The following ZNF462 variants were observed in gnomAD, a reference collection of about 807,000 sequenced individuals.
ZNF462 encodes zinc finger PBX1-interacting protein.
A neutral mutation model predicts 201.9 loss-of-function variants in ZNF462; 10 were observed. The ratio of observed to expected loss-of-function variants is 0.05; its 90% CI spans 0.03 to 0.08. The LOEUF (loss-of-function observed/expected upper bound fraction) is 0.08, where lower values mean the gene tolerates loss of function less well. Ranked by LOEUF, ZNF462 falls within the 10% of genes least tolerant of loss-of-function variation. The pLI, the probability that ZNF462 is intolerant of heterozygous loss-of-function variation, is 1.00. For synonymous variants in ZNF462, 1,227 were observed against 1,193.3 expected (o/e 1.03, Z -0.58); for missense variants, 2,523 against 3,168.3 (o/e 0.80, Z 4.89).
chr9:106,897,248 A>G (rs769503043), intron 1 of ZNF462, among the ~76,000 whole-genome samples: 11 of 152,170 alleles, frequency 7.2e-5, no homozygotes, highest in Non-Finnish European at 1.6e-4. Flanking sequence ...TATTATCAGT[A>G]TTTGAGTAGA....
chr9:106,901,078 A>T (rs1375848999), intron 1 of ZNF462, among the ~76,000 whole-genome samples: 1 of 152,196 alleles, frequency 6.6e-6, no homozygotes, highest in Non-Finnish European at 1.5e-5. Context: ...GTAAGAGATG[A>T]TCCAGTTTCA....
rs771159850 is a variant in ZNF462, at chr9:106,925,919, C to A, written c.2007C>A (p.Asn669Lys). ...CAATTCTTGGGTTGTCCTCCAAGAACAATTTTGTAGCTAAAGCCTCTAGGA... is the reference window on the plus strand; with the variant it reads ...CAATTCTTGGGTTGTCCTCCAAGAAAAATTTTGTAGCTAAAGCCTCTAGGA... ...QTSILGLSSKNNFVAKASRKL... is the reference protein window; with the variant it reads ...QTSILGLSSKKNFVAKASRKL... The change falls in exon 3 of 13, where the codon AAC (asparagine) becomes AAA (lysine). Residue 669 changes from asparagine (N) to lysine (K), a missense_variant. Physicochemically the swap from Asn to Lys is moderately conservative, Grantham distance 94. Coordinates refer to ENST00000277225, the MANE Select transcript of ZNF462 (RefSeq NM_021224.6). The surrounding 1 kb of genome is among the most constrained non-coding windows in gnomAD (Gnocchi z 7.9). 1.5e-5 allele frequency: 24 copies of A among 1,614,050 alleles called. No homozygotes were observed. Among genetic ancestry groups the A allele is most frequent in the South Asian group, 2.2e-5 (2 of 91,084 alleles).
At chr9:106,967,935 AT>A (rs1832155644) in intron 7 of ZNF462, among the ~76,000 whole-genome samples, 1 of 150,912 alleles carries the variant, frequency 6.6e-6, no homozygotes, top group South Asian at 2.1e-4. Flanking sequence ...TTCCCTATTC[AT>A]TTTAGTGTTA....
At chr9:106,988,221 G>C (rs879263865) in intron 10 of ZNF462, among the ~76,000 whole-genome samples, 2 of 152,234 alleles carry the variant, frequency 1.3e-5, no homozygotes, top group African/African-American at 2.4e-5. Context: ...CATGGCAGAA[G>C]GCAAGGAGGA....
chr9:106,880,628 G>A lies in ZNF462; in HGVS notation c.-31+17273G>A, dbSNP rs1337496987. ...TGGAGCTGCTAGAATAGAAAGAGTG[G>A]TTGTTGGGATATATTTTTATTAATG... is the stretch of plus-strand genomic sequence containing the variant. On this transcript the variant is annotated intron_variant, in intron 1 of 12. Transcript: ENST00000277225. This position sits in a 1 kb window ranked among gnomAD's most constrained non-coding sequence, Gnocchi z 4.1. Among the ~76,000 whole-genome samples the A allele has an allele frequency of 6.6e-6, 1 of 152,172 alleles. No individual in the cohort carries two copies. Among genetic ancestry groups the A allele is most frequent in the Admixed American group, 6.5e-5 (1 of 15,278 alleles).
At chr9:107,001,672 T>G (rs561634764) in intron 10 of ZNF462, among the ~76,000 whole-genome samples, 1 of 152,280 alleles carries the variant, frequency 6.6e-6, no homozygotes, top group South Asian at 2.1e-4. Flanking sequence ...ACTGTGGACT[T>G]AGAGGGGAAG....
intron 9 of ZNF462, among the ~76,000 whole-genome samples, chr9:106,982,639 G>A (rs1385861333): frequency 6.6e-6 from 1 of 152,108 alleles, no homozygotes; most frequent in East Asian, 1.9e-4. Flanking sequence ...TTCTAAATAA[G>A]CAACTGATTC....
chr9:106,965,232 C>A (rs547816619), intron 7 of ZNF462, among the ~76,000 whole-genome samples: 1 of 151,946 alleles, frequency 6.6e-6, no homozygotes, highest in Non-Finnish European at 1.5e-5. Flanking sequence ...CCCAAGGATG[C>A]AATACGTAGA....
chr9:106,992,133 C>T (rs542369873), intron 10 of ZNF462, among the ~76,000 whole-genome samples: 1 of 151,996 alleles, frequency 6.6e-6, no homozygotes, highest in South Asian at 2.1e-4. Flanking sequence ...AGAAATCTTA[C>T]AACTCAACAA....
At position 106,905,630 on chromosome 9, in the gene ZNF462, G is replaced by A. The variant is rs1250874184; in HGVS notation, c.-30-17724G>A. On this transcript the variant is annotated intron_variant, in intron 1 of 12. Transcript: ENST00000277225. The surrounding 1 kb of genome is among the most constrained non-coding windows in gnomAD (Gnocchi z 5.9). ...TGGGAGATGAGGGTGAGATTCCCAG[G>A]TCACTGGAGTTGTGTACCTAGGAGG... Among the ~76,000 whole-genome samples the A allele has an allele frequency of 6.6e-6, 1 of 152,092 alleles. No homozygotes were observed. The highest frequency in any genetic ancestry group is 1.5e-5 in the Non-Finnish European group (1 of 68,010).
intron 1 of ZNF462, among the ~76,000 whole-genome samples, chr9:106,897,243 T>C (rs958639834): frequency 1.1e-4 from 17 of 152,226 alleles, no homozygotes; most frequent in Admixed American, 1.1e-3. Flanking sequence ...ATTATTATTA[T>C]CAGTATTTGA....
At chr9:106,882,495 C>G (rs1207589672) in intron 1 of ZNF462, among the ~76,000 whole-genome samples, 2 of 152,192 alleles carry the variant, frequency 1.3e-5, no homozygotes, top group East Asian at 3.8e-4. Flanking sequence ...TCAAAGAAAA[C>G]TACCCATCTC....
At position 106,870,851 on chromosome 9, in the gene ZNF462, C is replaced by G. The variant is rs1408942751; in HGVS notation, c.-31+7496C>G. 3.9e-5 allele frequency among the ~76,000 whole-genome samples: 6 copies of G among 152,252 alleles called. No homozygotes were observed. In the East Asian group the frequency reaches 9.7e-4, roughly 25 times the overall value. ...GGAAGGCCAAACTCACTCTTAAGTTCTCGTCTGAGCAGTTGAACCAGAACA... is the reference window on the plus strand; with the variant it reads ...GGAAGGCCAAACTCACTCTTAAGTTGTCGTCTGAGCAGTTGAACCAGAACA... On this transcript the variant is annotated intron_variant, in intron 1 of 12. Coordinates refer to ENST00000277225, the MANE Select transcript of ZNF462 (RefSeq NM_021224.6). The surrounding 1 kb of genome is among the most constrained non-coding windows in gnomAD (Gnocchi z 4.3).
chr9:106,910,368 T>G (rs1356006302), intron 1 of ZNF462, among the ~76,000 whole-genome samples: 2 of 142,778 alleles, frequency 1.4e-5, no homozygotes. Flanking sequence ...TTTAGTTTTT[T>G]TTTTTTTTTT....
At position 106,880,281 on chromosome 9, in the gene ZNF462, A is replaced by T. The variant is rs931458731; in HGVS notation, c.-31+16926A>T. ...GAAATCTTCTCTGCATCAGCTCATG[A>T]TTCTGTCTGGGCCTGTGCAGTCCAG... On this transcript the variant is annotated intron_variant, in intron 1 of 12. Coordinates refer to ENST00000277225, the MANE Select transcript of ZNF462 (RefSeq NM_021224.6). This position sits in a 1 kb window ranked among gnomAD's most constrained non-coding sequence, Gnocchi z 4.1. Among the ~76,000 whole-genome samples the T allele has an allele frequency of 1.3e-5, 2 of 152,220 alleles. No homozygotes were observed. The highest frequency in any genetic ancestry group is 2.9e-5 in the Non-Finnish European group (2 of 68,038).
intron 10 of ZNF462, among the ~76,000 whole-genome samples, chr9:106,985,466 T>C (rs1827767963): frequency 6.6e-6 from 1 of 152,158 alleles, no homozygotes; most frequent in Non-Finnish European, 1.5e-5. Flanking sequence ...ACTTCCTCAC[T>C]CTGCACAGGG....
At chr9:106,971,908 C>A in intron 7 of ZNF462, 97 bp from the exon 8 acceptor site, 1 of 1,445,470 alleles carries the variant, frequency 6.9e-7, no homozygotes, top group Non-Finnish European at 9.3e-7. Flanking sequence ...CTTAGTAAAG[C>A]TGGAGGGTAA....
Position 106,925,874 on chromosome 9 carries a change from T to C in ZNF462, c.1962T>C (p.Thr654=). The C allele has an allele frequency of 1.9e-6, 3 of 1,614,074 alleles. No homozygotes were observed. The highest frequency in any genetic ancestry group is 2.5e-6 in the Non-Finnish European group (3 of 1,180,010). ...ETDSHPSSSN[T]VKKSQTSILG... is the part of the protein sequence containing the mutation. ...ACAGCCACCCCTCTTCCAGCAACAC[T>C]GTGAAGAAAAGTCAGACCTCAATTC... Residue 654 remains threonine, a synonymous_variant, in exon 3 of 13, where the codon ACT becomes ACC. Transcript: ENST00000277225. This position sits in a 1 kb window ranked among gnomAD's most constrained non-coding sequence, Gnocchi z 7.9.
chr9:106,870,053 T>C lies in ZNF462; in HGVS notation c.-31+6698T>C, dbSNP rs1234865197. 1.3e-5 allele frequency among the ~76,000 whole-genome samples: 2 copies of C among 152,190 alleles called. No individual in the cohort carries two copies. Among genetic ancestry groups the C allele is most frequent in the African/African-American group, 2.4e-5 (1 of 41,452 alleles). ...TTTATCTTTTTTCTAAGTCCTCCTA[T>C]TCTCATCAGCTGAAGCACGTACAGG... On this transcript the variant is annotated intron_variant, in intron 1 of 12. Transcript: ENST00000277225. The surrounding 1 kb of genome is among the most constrained non-coding windows in gnomAD (Gnocchi z 4.3).
Sources: allele counts gnomAD v4.1 joint callset (sites outside exome capture counted in the v4.1 genomes callset), GRCh38; gene constraint gnomAD v4.1.1; non-coding constraint Gnocchi (gnomAD v3.1); transcripts MANE v1.5; gene names NCBI Gene and HGNC (gene_info 2026-07-23, HGNC 2026-07-21).